Variants in TTC23L observed in about 807,000 individuals in gnomAD.
TTC23L encodes tetratricopeptide repeat protein 23-like.
A neutral mutation model predicts 48.1 loss-of-function variants in TTC23L; 42 were observed. The observed-to-expected ratio is 0.87, with a 90% CI of 0.68 to 1.13. The LOEUF is 1.13. Ranked by LOEUF, TTC23L falls within the 50% of genes most tolerant of loss-of-function variation. The pLI is 0.00. For synonymous variants in TTC23L, 159 were observed against 157.2 expected, an observed-to-expected ratio of 1.01 and a Z score of -0.09; for missense variants, 391 against 421.0, an observed-to-expected ratio of 0.93 and a Z score of 0.62.
chr5:34,869,222 T>G, intron 8 of TTC23L: 1 of 482,274 alleles, frequency 2.1e-6, no homozygotes, highest in Non-Finnish European at 3.8e-6. Context: ...AAATAAATCA[T>G]CTGATTTCTA....
chr5:34,866,387 C>T (rs1489460635), intron 6 of TTC23L, among the ~76,000 whole-genome samples: 1 of 152,050 alleles, frequency 6.6e-6, no homozygotes, highest in Non-Finnish European at 1.5e-5. Context: ...TTTAATGTCT[C>T]TAAGGTATTT....
intron 4 of TTC23L, among the ~76,000 whole-genome samples, chr5:34,855,473 T>C (rs1760047818): frequency 1.3e-5 from 2 of 152,066 alleles, no homozygotes; most frequent in African/African-American, 4.8e-5. Flanking sequence ...CCAGAGAGAA[T>C]GGGTGAGAAG....
chr5:34,873,012 G>A (rs1316394907), intron 8 of TTC23L, among the ~76,000 whole-genome samples: 1 of 151,748 alleles, frequency 6.6e-6, no homozygotes, highest in Non-Finnish European at 1.5e-5. Context: ...GCAATGAGCC[G>A]AGATCGCGCC....
At chr5:34,880,152 G>T in intron 8 of TTC23L, 29 bp from the exon 9 acceptor site, 18 of 1,597,160 alleles carry the variant, frequency 1.1e-5, no homozygotes, top group Non-Finnish European at 1.5e-5. Flanking sequence ...TTAGCAGCTT[G>T]CCTTAAATAA....
At chr5:34,915,591 G>A in the TTC23L span, 1 of 1,045,898 alleles carries the variant, frequency 9.6e-7, no homozygotes. Context: ...AGCCGCGCGT[G>A]CCGCGCCACC....
chr5:34,855,503 C>T (rs914305167), intron 4 of TTC23L, among the ~76,000 whole-genome samples: 1 of 152,146 alleles, frequency 6.6e-6, no homozygotes, highest in African/African-American at 2.4e-5. Flanking sequence ...CAAGAGTCTA[C>T]GAACGACAGA....
chr5:34,920,073 G>A, the TTC23L span: 11 of 404,090 alleles, frequency 2.7e-5, no homozygotes, highest in African/African-American at 4.2e-5. Flanking sequence ...ATTTCTGTTT[G>A]TTTTGTCTGA....
chr5:34,913,425 C>T, the TTC23L span: 1 of 1,135,262 alleles, frequency 8.8e-7, no homozygotes, highest in Non-Finnish European at 1.2e-6. Flanking sequence ...TTTTTCTGAC[C>T]ACTATGTATA....
At chr5:34,909,449 C>T in the TTC23L span, 1 of 823,680 alleles carries the variant, frequency 1.2e-6, no homozygotes, top group Admixed American at 2.2e-5. Context: ...GAAATTCATA[C>T]TAGTGGGTGA....
chr5:34,845,112 A>T (rs952719374), intron 2 of TTC23L, among the ~76,000 whole-genome samples: 1 of 152,230 alleles, frequency 6.6e-6, no homozygotes, highest in African/African-American at 2.4e-5. Context: ...AATAGCTAAC[A>T]TGAAAGGAAC....
rs72732814 is a variant in TTC23L, at chr5:34,845,746, G to A, written c.255+73G>A. 2,496 of 1,384,250 alleles carry A rather than the reference G, an allele frequency of 1.8e-3. 16 individuals are homozygous for A. In the African/African-American group the frequency reaches 0.022, roughly 12 times the overall value. 85.7% of individuals were successfully genotyped at this position (1,384,250 alleles called of 1,614,324 possible). On this transcript the variant is annotated intron_variant, in intron 3 of 10. Coordinates refer to ENST00000505624, the Ensembl canonical transcript of TTC23L. ...TCCTGTTTAGAGAAGCTTTGCCTTC[G>A]ATGCAGATTGAAGCATATGAAATAG...
chr5:34,891,451 G>A (rs760075877), intron 9 of TTC23L, among the ~76,000 whole-genome samples: 9 of 152,084 alleles, frequency 5.9e-5, no homozygotes, highest in Non-Finnish European at 1.2e-4. Flanking sequence ...CAGAGTATGC[G>A]CTCAATAAGT....
chr5:34,863,098 GC>G lies in TTC23L; in HGVS notation c.536+46del. The stretch of plus-strand genomic sequence containing the variant: ...CTGCGTTTAGTGTTCGGGGCCACAG[GC>G]CACACATGCCAGATGGGTCATCTCA... On this transcript the variant is annotated intron_variant, in intron 5 of 10. Transcript: ENST00000505624. This position sits in a 1 kb window ranked among gnomAD's most constrained non-coding sequence, Gnocchi z 4.1. 1.2e-6 allele frequency: 2 copies of G among 1,609,032 alleles called. No homozygotes were observed. Among genetic ancestry groups the G allele is most frequent in the Non-Finnish European group, 1.7e-6 (2 of 1,177,054 alleles).
the TTC23L span, chr5:34,908,957 G>GA: frequency 1.3e-6 from 2 of 1,593,976 alleles, no homozygotes; most frequent in Non-Finnish European, 1.7e-6. Context: ...ATCTGTAGAA[G>GA]AAAAAATAAA....
At chr5:34,862,929 A>T (rs3906383) in exon 5 of TTC23L, 96,627 of 1,613,948 alleles carry the variant, frequency 0.06, 3,365 homozygotes, top group South Asian at 0.11. Context: ...AACATGCTAC[A>T]TCAGCCAAGA....
At chr5:34,925,096 A>G in the TTC23L span, 1 of 1,455,032 alleles carries the variant, frequency 6.9e-7, no homozygotes, top group Non-Finnish European at 9.1e-7. Flanking sequence ...CTGCATAGAA[A>G]CTTGGAAATT....
chr5:34,889,847 TTTG>T (rs1189696152), intron 9 of TTC23L, among the ~76,000 whole-genome samples: 1 of 152,094 alleles, frequency 6.6e-6, no homozygotes, highest in African/African-American at 2.4e-5. Context: ...TGTTTTTGTT[TTTG>T]TTTTTTTGAG....
intron 4 of TTC23L, among the ~76,000 whole-genome samples, chr5:34,851,414 T>G (rs1406578679): frequency 6.6e-6 from 1 of 152,208 alleles, no homozygotes; most frequent in Non-Finnish European, 1.5e-5. Context: ...CTATAGGCCC[T>G]TTTACACCCA....
chr5:34,885,357 C>T (rs1043053368), intron 9 of TTC23L, among the ~76,000 whole-genome samples: 38 of 152,080 alleles, frequency 2.5e-4, no homozygotes, highest in African/African-American at 6.5e-4. Flanking sequence ...TATCAGGAAA[C>T]GCTGTTGTAT....
Sources: allele counts gnomAD v4.1 joint callset (sites outside exome capture counted in the v4.1 genomes callset), GRCh38; gene constraint gnomAD v4.1.1; non-coding constraint Gnocchi (gnomAD v3.1); transcripts MANE v1.5; gene names NCBI Gene and HGNC (gene_info 2026-07-23, HGNC 2026-07-21).